KCNH8: variants seen among roughly 807,000 people sequenced by gnomAD.
KCNH8 encodes the protein voltage-gated delayed rectifier potassium channel KCNH8.
Under a neutral mutation model 103.6 loss-of-function variants are expected in KCNH8, and 70 were observed. That is an observed-to-expected ratio of 0.68 (90% CI 0.56 to 0.82). The LOEUF (loss-of-function observed/expected upper bound fraction) is 0.82. Ranked by LOEUF, KCNH8 falls within the 40% of genes least tolerant of loss-of-function variation. KCNH8 has a pLI of 0.00. For missense variants in KCNH8, 1,217 were observed against 1,329.9 expected (o/e 0.92, Z 1.32); for synonymous variants, 498 against 489.4 (o/e 1.02, Z -0.23).
chr3:19,314,570 T>TAAAC lies in KCNH8; in HGVS notation c.443-27994_443-27991dup, dbSNP rs534699231. The stretch of plus-strand genomic sequence containing the variant: ...GTGCTACAGAACAAAACCCTGTCTC[T>TAAAC]AAACAAACAAACAAACAAACAAACA... On this transcript the variant is annotated intron_variant, in intron 3 of 15. Coordinates refer to ENST00000328405, the MANE Select transcript of KCNH8 (RefSeq NM_144633.3). Among the ~76,000 whole-genome samples, 766 of 151,774 alleles carry TAAAC rather than the reference T, an allele frequency of 5.0e-3. 4 individuals carry two copies. The highest frequency in any genetic ancestry group is 7.0e-3 in the Admixed American group (106 of 15,202).
At chr3:19,458,040 T>A (rs1414949933) in intron 11 of KCNH8, among the ~76,000 whole-genome samples, 6 of 151,988 alleles carry the variant, frequency 3.9e-5, no homozygotes, top group African/African-American at 1.4e-4. Context: ...GTAAAGCATC[T>A]CATTTATTGC....
intron 5 of KCNH8, among the ~76,000 whole-genome samples, chr3:19,389,597 A>T (rs995385936): frequency 1.3e-5 from 2 of 152,060 alleles, no homozygotes; most frequent in African/African-American, 4.8e-5. Flanking sequence ...ATATAAAATA[A>T]GGAATATAGA....
At chr3:19,431,201 T>A (rs111653054) in intron 7 of KCNH8, among the ~76,000 whole-genome samples, 1 of 152,208 alleles carries the variant, frequency 6.6e-6, no homozygotes, top group Admixed American at 6.5e-5. Flanking sequence ...GAAAGGATGA[T>A]GATATTTATC....
At chr3:19,233,093 T>G (rs1285632063) in intron 1 of KCNH8, among the ~76,000 whole-genome samples, 1 of 109,482 alleles carries the variant, frequency 9.1e-6, no homozygotes, top group African/African-American at 3.6e-5. Context: ...TAAATTGAGC[T>G]GTTATCTTAA....
intron 2 of KCNH8, among the ~76,000 whole-genome samples, chr3:19,275,889 G>A (rs1203493579): frequency 1.3e-5 from 2 of 152,016 alleles, no homozygotes; most frequent in Admixed American, 6.6e-5. Flanking sequence ...GTTTTTAATC[G>A]GGATCCTGTA....
chr3:19,488,973 TGAG>T (rs1262316759), intron 11 of KCNH8, among the ~76,000 whole-genome samples: 1 of 152,168 alleles, frequency 6.6e-6, no homozygotes, highest in Admixed American at 6.5e-5. Flanking sequence ...TTTTTCCAAT[TGAG>T]GAGGTCAGCA....
intron 8 of KCNH8, 42 bp downstream of exon 8, chr3:19,438,403 C>A: frequency 1.3e-6 from 2 of 1,500,314 alleles, no homozygotes; most frequent in Non-Finnish European, 1.8e-6. Context: ...AGGAACTATG[C>A]CTACCTAACT....
At chr3:19,249,716 TA>T in intron 1 of KCNH8, among the ~76,000 whole-genome samples, 1 of 152,240 alleles carries the variant, frequency 6.6e-6, no homozygotes, top group East Asian at 1.9e-4. Context: ...CCTAAATATT[TA>T]AAAATAGGCA....
intron 5 of KCNH8, among the ~76,000 whole-genome samples, chr3:19,385,847 C>T (rs940117206): frequency 1.3e-5 from 2 of 152,102 alleles, no homozygotes; most frequent in Middle Eastern, 3.2e-3. Flanking sequence ...AATTAAATAT[C>T]TCTCCGCCCA....
At chr3:19,304,437 AT>A (rs546532387) in intron 3 of KCNH8, among the ~76,000 whole-genome samples, 43 of 152,262 alleles carry the variant, frequency 2.8e-4, no homozygotes, top group African/African-American at 8.4e-4. Context: ...TAACAAAAAA[AT>A]AACAAAGCTA....
chr3:19,176,010 T>C (rs2063396459), intron 1 of KCNH8, among the ~76,000 whole-genome samples: 1 of 152,172 alleles, frequency 6.6e-6, no homozygotes, highest in African/African-American at 2.4e-5. Context: ...TTGTTAGAAA[T>C]AATGCATACC....
chr3:19,157,505 C>T (rs2063192126), intron 1 of KCNH8, among the ~76,000 whole-genome samples: 2 of 151,948 alleles, frequency 1.3e-5, no homozygotes, highest in Admixed American at 1.3e-4. Flanking sequence ...ATTTAGGCCT[C>T]TTGTTTAGCT....
At chr3:19,249,406 C>T (rs984971298) in intron 1 of KCNH8, among the ~76,000 whole-genome samples, 11 of 152,204 alleles carry the variant, frequency 7.2e-5, no homozygotes, top group Admixed American at 7.2e-4. Flanking sequence ...TGCAATTACA[C>T]ATCGAGGACA....
chr3:19,503,720 T>C (rs1028963275), intron 11 of KCNH8, among the ~76,000 whole-genome samples: 10 of 146,900 alleles, frequency 6.8e-5, no homozygotes, highest in East Asian at 2.0e-4. Context: ...TAGGTGGGAA[T>C]TGAACAATGA....
intron 11 of KCNH8, among the ~76,000 whole-genome samples, chr3:19,473,680 T>G (rs995147671): frequency 6.6e-6 from 1 of 152,218 alleles, no homozygotes; most frequent in East Asian, 1.9e-4. Context: ...TTCTTATTAG[T>G]GGAAATAAAT....
chr3:19,175,244 C>T (rs1488024849), intron 1 of KCNH8, among the ~76,000 whole-genome samples: 1 of 139,422 alleles, frequency 7.2e-6, no homozygotes, highest in African/African-American at 2.8e-5. Flanking sequence ...TTTTTTGAGA[C>T]GGAGTCTCGC....
intron 2 of KCNH8, among the ~76,000 whole-genome samples, chr3:19,262,762 G>A (rs556519202): frequency 1.4e-4 from 22 of 152,096 alleles, no homozygotes; most frequent in South Asian, 6.2e-4. Flanking sequence ...ATTTCACCAC[G>A]TCTAAAGAAC....
chr3:19,474,726 CTGTTAAGAT>C (rs1252986227), intron 11 of KCNH8, among the ~76,000 whole-genome samples: 1 of 152,160 alleles, frequency 6.6e-6, no homozygotes, highest in African/African-American at 2.4e-5. Flanking sequence ...GTATTTTCCA[CTGTTAAGAT>C]TAATGTCTTT....
intron 3 of KCNH8, among the ~76,000 whole-genome samples, chr3:19,322,994 T>C (rs114325661): frequency 0.018 from 2,737 of 152,336 alleles, 83 homozygotes; most frequent in African/African-American, 0.059. Flanking sequence ...GAGACTTTCC[T>C]GTGCATTTTG....
Sources: allele counts gnomAD v4.1 joint callset (sites outside exome capture counted in the v4.1 genomes callset), GRCh38; gene constraint gnomAD v4.1.1; transcripts MANE v1.5; gene names NCBI Gene and HGNC (gene_info 2026-07-23, HGNC 2026-07-21).